The following HSPG2 variants were observed in gnomAD, a reference collection of about 807,000 sequenced individuals.
HSPG2 encodes the protein basement membrane-specific heparan sulfate proteoglycan core protein.
HSPG2 carries 278 observed loss-of-function variants against 526.6 expected under a neutral mutation model. The observed-to-expected ratio is 0.53, with a 90% CI of 0.48 to 0.58. HSPG2 has a LOEUF of 0.58. HSPG2 is among the 20% of genes least tolerant of loss of function. The probability of loss-of-function intolerance (pLI) is 0.00; values close to 1 mark genes in which losing one functional copy is unlikely to be tolerated. For missense variants in HSPG2, 5,354 were observed against 6,099.5 expected, an observed-to-expected ratio of 0.88 and a Z score of 4.07; for synonymous variants, 2,465 against 2,555.4, an observed-to-expected ratio of 0.96 and a Z score of 1.07.
In HSPG2 at chr1:21,842,885, G is replaced by A; in HGVS notation, c.8795C>T (p.Ser2932Phe). ...CTGCCCTTCAGTCACGTGTGAAGAG[G>A]AGGCCTCGATGTAGATGGGCTGGGC... The part of the protein sequence containing the change: ...GLAQPIYIEA[S>F]SSHVTEGQTL... Residue 2932 changes from serine to phenylalanine, a missense_variant, in exon 67 of 97, where the codon TCC becomes TTC. Transcript: ENST00000374695. 6.2e-7 allele frequency: 1 copy of A among 1,614,152 alleles called. No individual in the cohort carries two copies. The highest frequency in any genetic ancestry group is 8.5e-7 in the Non-Finnish European group (1 of 1,180,034).
intron 1 of HSPG2, among the ~76,000 whole-genome samples, chr1:21,925,069 G>T (rs1031624110): frequency 6.6e-6 from 1 of 152,190 alleles, no homozygotes; most frequent in East Asian, 1.9e-4. Context: ...TCTTCCAGGA[G>T]GTCTGGTGAC....
intron 39 of HSPG2, 64 bp downstream of exon 39, chr1:21,861,692 AG>A (rs1473706409): frequency 7.0e-7 from 1 of 1,428,776 alleles, no homozygotes; most frequent in Non-Finnish European, 9.8e-7. Context: ...ACACCCTTTA[AG>A]GCTCTCACTT....
rs1010247553 is a variant in HSPG2 at position 21,864,770 on chromosome 1, G to A, written c.4626+73C>T. 5.5e-6 allele frequency: 7 copies of A among 1,265,766 alleles called. No homozygotes were observed. The highest frequency in any genetic ancestry group is 2.5e-5 in the East Asian group (1 of 39,886). The allele number at this position is 1,265,766 out of a possible 1,614,324, so 78.4% of individuals were successfully genotyped here. On this transcript the variant is annotated intron_variant, in intron 36 of 96. Coordinates refer to ENST00000374695, the MANE Select transcript of HSPG2 (RefSeq NM_005529.7). This position sits in a 1 kb window ranked among gnomAD's most constrained non-coding sequence, Gnocchi z 4.8. ...TAGTTATGATGGTAATCAAGGCTGC[G>A]GCGACGCCGGCTGATTTGCTTGCTG...
At chr1:21,868,410 G>T (rs1027245007) in intron 33 of HSPG2, among the ~76,000 whole-genome samples, 3 of 152,134 alleles carry the variant, frequency 2.0e-5, no homozygotes, top group Non-Finnish European at 2.9e-5. Context: ...CTCATCTAAG[G>T]CCAATGCCAG....
intron 26 of HSPG2, 61 bp from the exon 27 acceptor site, chr1:21,874,790 A>G: frequency 1.3e-6 from 2 of 1,509,962 alleles, no homozygotes; most frequent in Non-Finnish European, 1.8e-6. Flanking sequence ...AGGTAGGGGC[A>G]CTGGATGGCC....
chr1:21,900,913 G>A (rs1235493573), intron 1 of HSPG2, among the ~76,000 whole-genome samples: 1 of 151,900 alleles, frequency 6.6e-6, no homozygotes, highest in Admixed American at 6.6e-5. Flanking sequence ...AGCTCATTGG[G>A]TGCCAAGCCC....
At chr1:21,838,787 A>T in intron 74 of HSPG2, 38 bp downstream of exon 74, 2 of 1,605,686 alleles carry the variant, frequency 1.2e-6, no homozygotes, top group Admixed American at 1.7e-5. Flanking sequence ...GCCAGGAGGA[A>T]AGGTGATCCC....
intron 17 of HSPG2, 65 bp from the exon 18 acceptor site, chr1:21,879,186 C>A: frequency 6.3e-7 from 1 of 1,599,738 alleles, no homozygotes; most frequent in Non-Finnish European, 8.6e-7. Flanking sequence ...CTGCGGGGGA[C>A]CTTGGAGGCT....
At position 21,859,524 on chromosome 1, in the gene HSPG2, C is replaced by T. The variant is rs576261965; in HGVS notation, c.5293+42G>A. Reference sequence around the variant, plus strand: ...CTGAATCTGCAGCCTGCAGCCCAGCCCAGGACAGGCAGTCTTGGTTACAGG... The same window carrying T: ...CTGAATCTGCAGCCTGCAGCCCAGCTCAGGACAGGCAGTCTTGGTTACAGG... On this transcript the variant is annotated intron_variant, in intron 42 of 96. Coordinates refer to ENST00000374695, the MANE Select transcript of HSPG2 (RefSeq NM_005529.7). The surrounding 1 kb of genome is among the most constrained non-coding windows in gnomAD (Gnocchi z 5.3). The T allele has an allele frequency of 9.6e-6, 14 of 1,459,034 alleles. No homozygotes were observed. In the East Asian group the frequency reaches 3.2e-4, roughly 33 times the overall value. 90.4% of individuals were successfully genotyped at this position (1,459,034 alleles called of 1,614,324 possible).
chr1:21,846,343 G>A, intron 63 of HSPG2, 88 bp from the exon 64 acceptor site: 1 of 1,605,304 alleles, frequency 6.2e-7, no homozygotes, highest in Non-Finnish European at 8.5e-7. Context: ...CTCTGACACA[G>A]GGGGGTACTG....
In HSPG2 at chr1:21,846,488, G is replaced by C. The variant is rs1399995599; in HGVS notation, c.8276C>G (p.Thr2759Ser). Reference sequence around the variant, plus strand: ...GAGGCTGCCCCCACGCTTGTGCCAAGTGACCTGGGCATGGGCCTGCCCGGG... The same window carrying C: ...GAGGCTGCCCCCACGCTTGTGCCAACTGACCTGGGCATGGGCCTGCCCGGG... ...VVPGQAHAQV[T>S]WHKRGGSLPS... Residue 2759 changes from threonine to serine, a missense_variant, in exon 63 of 97, where the codon ACT becomes AGT. Transcript: ENST00000374695. The C allele has an allele frequency of 6.2e-7, 1 of 1,613,622 alleles. No homozygotes were observed. The highest frequency in any genetic ancestry group is 1.3e-5 in the African/African-American group (1 of 74,954).
chr1:21,864,329 C>T lies in HSPG2; in HGVS notation c.4627-116G>A, dbSNP rs12080728. ...GGGGTGACCCTGGAACATCACAGGC[C>T]GGCGCCCCTCCTTCCCCACTTCTGC... On this transcript the variant is annotated intron_variant, in intron 36 of 96. Coordinates refer to ENST00000374695, the MANE Select transcript of HSPG2 (RefSeq NM_005529.7). The surrounding 1 kb of genome is among the most constrained non-coding windows in gnomAD (Gnocchi z 4.8). 8.2e-4 allele frequency: 689 copies of T among 842,126 alleles called. 5 individuals carry two copies. In the African/African-American group the frequency reaches 0.01, roughly 13 times the overall value. 52.2% of individuals were successfully genotyped at this position (842,126 alleles called of 1,614,324 possible). A position where few individuals can be genotyped will look rare whatever the true frequency, so the allele number is the denominator to read the frequency against.
Position 21,865,951 on chromosome 1 carries a change from C to T in HSPG2, c.4222-142G>A. On this transcript the variant is annotated intron_variant, in intron 33 of 96. Coordinates refer to ENST00000374695, the MANE Select transcript of HSPG2 (RefSeq NM_005529.7). This position sits in a 1 kb window ranked among gnomAD's most constrained non-coding sequence, Gnocchi z 5.4. ...CCCCCTCCCTGCCCAAACCAAGAGGCCAGGGTGCATGGTTGCCTGGGAAAC... is the reference window on the plus strand; with the variant it reads ...CCCCCTCCCTGCCCAAACCAAGAGGTCAGGGTGCATGGTTGCCTGGGAAAC... 5.8e-6 allele frequency: 4 copies of T among 690,000 alleles called. No homozygotes were observed. The highest frequency in any genetic ancestry group is 1.1e-5 in the Non-Finnish European group (4 of 380,940). The allele number at this position is 690,000 out of a possible 1,614,324, so 42.7% of individuals were successfully genotyped here.
chr1:21,925,312 C>A (rs944270991), intron 1 of HSPG2, among the ~76,000 whole-genome samples: 1 of 152,204 alleles, frequency 6.6e-6, no homozygotes, highest in Non-Finnish European at 1.5e-5. Flanking sequence ...TTCCACTGCA[C>A]AGGGCTGTTG....
intron 1 of HSPG2, among the ~76,000 whole-genome samples, chr1:21,900,494 A>C (rs957362908): frequency 6.6e-6 from 1 of 152,278 alleles, no homozygotes; most frequent in East Asian, 1.9e-4. Flanking sequence ...AAGTTGTGTC[A>C]TTAGGGACAA....
At chr1:21,933,003 G>T (rs892364041) in intron 1 of HSPG2, among the ~76,000 whole-genome samples, 2 of 152,178 alleles carry the variant, frequency 1.3e-5, no homozygotes, top group African/African-American at 4.8e-5. Context: ...TGGATCATTT[G>T]AGCCCAGGAG....
At chr1:21,870,709 G>C (rs1005110010) in intron 33 of HSPG2, 1 of 467,480 alleles carries the variant, frequency 2.1e-6, no homozygotes, top group African/African-American at 2.1e-5. Context: ...ATGGGACACC[G>C]CCTGGATTCA....
chr1:21,831,917 C>G, intron 81 of HSPG2, 121 bp from the exon 82 acceptor site: 4 of 1,072,304 alleles, frequency 3.7e-6, no homozygotes, highest in Non-Finnish European at 4.0e-6. Flanking sequence ...GCAGTCCCAG[C>G]CCTGGGGCTG....
At position 21,864,112 on chromosome 1, in the gene HSPG2, A is replaced by G. The variant is rs1640037809; in HGVS notation, c.4728T>C (p.Thr1576=). Reference sequence around the variant, plus strand: ...GCTTGCAGCTCACCGAGCAGGCCCCAGTCTCTGGGTGGCACAGGTCTGAGT... The same window carrying G: ...GCTTGCAGCTCACCGAGCAGGCCCCGGTCTCTGGGTGGCACAGGTCTGAGT... ...NGHSDLCHPE[T]GACSQCQHNA... The change falls in exon 37 of 97, where the codon ACT becomes ACC. Residue 1576 remains threonine (T), a synonymous_variant. Coordinates refer to ENST00000374695, the MANE Select transcript of HSPG2 (RefSeq NM_005529.7). This position sits in a 1 kb window ranked among gnomAD's most constrained non-coding sequence, Gnocchi z 4.8. 1.3e-6 allele frequency: 2 copies of G among 1,553,800 alleles called. No homozygotes were observed. Among genetic ancestry groups the G allele is most frequent in the Non-Finnish European group, 1.7e-6 (2 of 1,148,574 alleles).
Sources: gnomAD v4.1 joint callset for allele counts (sites outside exome capture counted in the v4.1 genomes callset) on GRCh38, gnomAD v4.1.1 for gene constraint, Gnocchi (gnomAD v3.1) non-coding constraint, MANE v1.5 for transcripts, NCBI Gene and HGNC (gene_info 2026-07-23, HGNC 2026-07-21) for gene names.